Variants in SDK1 observed in about 807,000 individuals in gnomAD.
The protein encoded by SDK1 is sidekick cell adhesion molecule 1.
SDK1 carries 157 observed loss-of-function variants against 245.5 expected under a neutral mutation model. The ratio of observed to expected loss-of-function variants is 0.64; its 90% CI spans 0.56 to 0.73. The LOEUF (loss-of-function observed/expected upper bound fraction) is 0.73. Among genes scored for constraint, SDK1 ranks in the 30% least tolerant of loss-of-function variants. SDK1 has a pLI of 0.00. For missense variants in SDK1, 3,583 were observed against 3,002.3 expected (o/e 1.19, Z -4.52); for synonymous variants, 1,647 against 1,278.5 (o/e 1.29, Z -6.15).
At chr7:3,505,974 A>G (rs771467391) in intron 1 of SDK1, among the ~76,000 whole-genome samples, 5 of 152,156 alleles carry the variant, frequency 3.3e-5, no homozygotes, top group Non-Finnish European at 7.3e-5. Context: ...TAAGCTCTAC[A>G]ATACATTTTT....
At chr7:4,119,456 A>G (rs1249880198) in intron 25 of SDK1, among the ~76,000 whole-genome samples, 1 of 147,690 alleles carries the variant, frequency 6.8e-6, no homozygotes, top group Non-Finnish European at 1.5e-5. Flanking sequence ...CCCTGTCTCT[A>G]AAAAAAATAA....
At chr7:3,635,549 G>A (rs1782431836) in intron 2 of SDK1, among the ~76,000 whole-genome samples, 3 of 152,120 alleles carry the variant, frequency 2.0e-5, no homozygotes, top group Non-Finnish European at 2.9e-5. Flanking sequence ...TCTTTTACTC[G>A]ATTTTGAAAA....
At chr7:3,472,777 C>G (rs920586745) in intron 1 of SDK1, among the ~76,000 whole-genome samples, 1 of 152,184 alleles carries the variant, frequency 6.6e-6, no homozygotes, top group African/African-American at 2.4e-5. Context: ...TCAGGTCTGG[C>G]TAACAGTACC....
At chr7:3,849,079 C>G (rs1044505848) in intron 5 of SDK1, among the ~76,000 whole-genome samples, 3 of 152,208 alleles carry the variant, frequency 2.0e-5, no homozygotes, top group African/African-American at 7.2e-5. Flanking sequence ...TCATACCCGT[C>G]CTTTCTCTGT....
intron 42 of SDK1, among the ~76,000 whole-genome samples, chr7:4,240,112 A>G (rs776517436): frequency 4.6e-5 from 7 of 152,152 alleles, no homozygotes; most frequent in Non-Finnish European, 8.8e-5. Flanking sequence ...CAGTGTATGA[A>G]TGGCGTGTCA....
chr7:3,587,474 C>T lies in SDK1; in HGVS notation c.299-31606C>T, dbSNP rs539076472. Among the ~76,000 whole-genome samples, 28 of 152,170 alleles carry T rather than the reference C, an allele frequency of 1.8e-4. No individual in the cohort carries two copies. The South Asian group carries it at 3.1e-3, about 17-fold the overall frequency. On this transcript the variant is annotated intron_variant, in intron 1 of 44. Coordinates refer to ENST00000404826, the MANE Select transcript of SDK1 (RefSeq NM_152744.4). Reference sequence around the variant, plus strand: ...GCCAGAGAGCCAAGGGTACAGGTTCCAGTATGAGTCTAAAGGCCTAAGAAC... The same window carrying T: ...GCCAGAGAGCCAAGGGTACAGGTTCTAGTATGAGTCTAAAGGCCTAAGAAC...
intron 35 of SDK1, among the ~76,000 whole-genome samples, chr7:4,198,080 C>T (rs904602000): frequency 4.1e-5 from 6 of 146,982 alleles, no homozygotes; most frequent in South Asian, 2.1e-4. Flanking sequence ...GGCTGCAGGA[C>T]GTGGTCACTG....
chr7:3,438,742 C>T (rs542028661), intron 1 of SDK1, among the ~76,000 whole-genome samples: 1 of 152,024 alleles, frequency 6.6e-6, no homozygotes, highest in Non-Finnish European at 1.5e-5. Context: ...TCCTTGGAAT[C>T]TTCTCCTTTC....
intron 22 of SDK1, among the ~76,000 whole-genome samples, chr7:4,083,060 C>T (rs1253169892): frequency 2.6e-5 from 4 of 152,066 alleles, no homozygotes; most frequent in African/African-American, 9.7e-5. Flanking sequence ...TCATGTCTCT[C>T]AAATTGTTAA....
chr7:3,675,381 G>A (rs1009724187), intron 4 of SDK1, among the ~76,000 whole-genome samples: 13 of 152,256 alleles, frequency 8.5e-5, no homozygotes, highest in African/African-American at 3.1e-4. Context: ...CTTCTTGCTT[G>A]CTTGTATTCA....
chr7:3,550,700 A>G (rs957115884), intron 1 of SDK1, among the ~76,000 whole-genome samples: 8 of 152,248 alleles, frequency 5.3e-5, no homozygotes, highest in Non-Finnish European at 1.0e-4. Context: ...TAAAATATAA[A>G]GTAAAAATTG....
intron 1 of SDK1, among the ~76,000 whole-genome samples, chr7:3,471,616 T>G (rs1781184965): frequency 6.6e-6 from 1 of 152,196 alleles, no homozygotes; most frequent in African/African-American, 2.4e-5. Context: ...GGCTCAGATG[T>G]TTGAAGTAAG....
intron 25 of SDK1, among the ~76,000 whole-genome samples, chr7:4,124,068 A>G (rs1455470083): frequency 6.6e-6 from 1 of 152,220 alleles, no homozygotes; most frequent in Non-Finnish European, 1.5e-5. Flanking sequence ...CTGTTAGGCT[A>G]TGGCCTGCTT....
chr7:3,411,420 C>T (rs546083948), intron 1 of SDK1, among the ~76,000 whole-genome samples: 29 of 152,282 alleles, frequency 1.9e-4, no homozygotes, highest in African/African-American at 4.8e-4. Context: ...GATCCAATAA[C>T]ATAGATGAAT....
intron 5 of SDK1, among the ~76,000 whole-genome samples, chr7:3,938,561 G>A (rs893501967): frequency 1.3e-5 from 2 of 151,752 alleles, no homozygotes; most frequent in African/African-American, 4.9e-5. Flanking sequence ...CAGGAGAATG[G>A]CGTGAACCTG....
intron 4 of SDK1, among the ~76,000 whole-genome samples, chr7:3,735,554 C>T (rs925251072): frequency 3.9e-5 from 6 of 152,158 alleles, no homozygotes; most frequent in African/African-American, 1.4e-4. Context: ...GGTGTGTTTA[C>T]CTGTTTATCC....
chr7:4,103,392 A>T lies in SDK1; in HGVS notation c.3325-7271A>T, dbSNP rs117626842. On this transcript the variant is annotated intron_variant, in intron 22 of 44. Transcript: ENST00000404826. Reference sequence around the variant, plus strand: ...GTGAGCACCCAGTTGCTTCTAGAACATTCTTTCTTGGCCTTGAAATCTAAC... The same window carrying T: ...GTGAGCACCCAGTTGCTTCTAGAACTTTCTTTCTTGGCCTTGAAATCTAAC... 6.2e-3 allele frequency among the ~76,000 whole-genome samples: 944 copies of T among 152,286 alleles called. 27 individuals carry two copies. In the South Asian group the frequency reaches 0.097, roughly 16 times the overall value.
intron 4 of SDK1, among the ~76,000 whole-genome samples, chr7:3,782,278 C>T (rs1780770033): frequency 1.3e-5 from 2 of 152,182 alleles, no homozygotes; most frequent in Admixed American, 6.5e-5. Context: ...GAAAAGGTCT[C>T]CAACTCCTTC....
At chr7:4,144,726 C>G (rs543947257) in intron 28 of SDK1, among the ~76,000 whole-genome samples, 1 of 152,136 alleles carries the variant, frequency 6.6e-6, no homozygotes, top group Non-Finnish European at 1.5e-5. Context: ...TGGGGTCGCC[C>G]GGCAGCTCCT....
Sources: gnomAD v4.1 joint callset for allele counts (sites outside exome capture counted in the v4.1 genomes callset) on GRCh38, gnomAD v4.1.1 for gene constraint, MANE v1.5 for transcripts, NCBI Gene and HGNC (gene_info 2026-07-23, HGNC 2026-07-21) for gene names.